MMS19: variants seen among roughly 807,000 people sequenced by gnomAD.
The protein encoded by MMS19 is MMS19 cytosolic iron-sulfur assembly component, also known as MMS19 nucleotide excision repair protein homolog.
Under a neutral mutation model 129.8 loss-of-function variants are expected in MMS19, and 77 were observed. The observed-to-expected ratio is 0.59, with a 90% CI of 0.49 to 0.72. MMS19 has a LOEUF of 0.72. Ranked by LOEUF, MMS19 falls within the 30% of genes least tolerant of loss-of-function variation. The pLI is 0.00. For synonymous variants in MMS19, 491 were observed against 502.8 expected, an observed-to-expected ratio of 0.98 and a Z score of 0.31; for missense variants, 1,168 against 1,266.3, an observed-to-expected ratio of 0.92 and a Z score of 1.18.
chr10:97,497,124 C>G (rs561544399), intron 1 of MMS19, among the ~76,000 whole-genome samples: 6 of 152,328 alleles, frequency 3.9e-5, no homozygotes, highest in Non-Finnish European at 7.3e-5. Context: ...CTCCTTGATG[C>G]TTCCAAACTA....
chr10:97,461,420 G>A (rs199766971), intron 23 of MMS19, 76 bp downstream of exon 23: 4 of 1,486,404 alleles, frequency 2.7e-6, no homozygotes, highest in African/African-American at 2.9e-5. Context: ...CTTTTAAAAA[G>A]AGAATGAGTA....
chr10:97,465,994 G>C, intron 17 of MMS19, 40 bp from the exon 18 acceptor site: 1 of 1,612,650 alleles, frequency 6.2e-7, no homozygotes, highest in East Asian at 2.2e-5. Context: ...CTGTGTGATA[G>C]GAAGCACGAA....
Position 97,466,064 on chromosome 10 carries a change from C to T in MMS19, c.1601G>A (p.Arg534His), listed in dbSNP as rs773362714. The part of the protein sequence containing the change: ...HLVPKLAEEL[R>H]VGESNLTNGD... Reference sequence around the variant, plus strand: ...AGAGGATTAGAGACACATACCTACACGCAGCTCCTCAGCGAGCTTGGGTAC... The same window carrying T: ...AGAGGATTAGAGACACATACCTACATGCAGCTCCTCAGCGAGCTTGGGTAC... The change falls in exon 17 of 31, where the codon CGT becomes CAT. Residue 534 changes from arginine (R) to histidine (H), a missense_variant. Around this residue, in one of 3 missense-constraint regions of MMS19, gnomAD observed 831 missense variants for 910.8 expected, o/e 0.91. Transcript: ENST00000438925. The T allele has an allele frequency of 1.9e-5, 30 of 1,613,732 alleles. No individual in the cohort carries two copies. Among genetic ancestry groups the T allele is most frequent in the East Asian group, 6.7e-5 (3 of 44,880 alleles).
rs371996112 is a variant in MMS19 at position 97,476,578 on chromosome 10, G to A, written c.684+105C>T. 2.0e-4 allele frequency: 179 copies of A among 875,044 alleles called. 2 individuals carry two copies. In the South Asian group the frequency reaches 2.3e-3, roughly 11 times the overall value. The allele number at this position is 875,044 out of a possible 1,614,324, so 54.2% of individuals were successfully genotyped here. ...TATTAAAATATAAAATAATGAGGGC[G>A]GGGATGTCTATTTTGGTGACCTGTA... On this transcript the variant is annotated intron_variant, in intron 8 of 30. Transcript: ENST00000438925.
At chr10:97,493,813 A>G (rs1856836) in intron 1 of MMS19, among the ~76,000 whole-genome samples, 143,753 of 152,248 alleles carry the variant, frequency 0.94, 68,051 homozygotes, top group Non-Finnish European at 0.98. Context: ...TCGGAAGTTT[A>G]GAGACTTGCC....
chr10:97,484,283 C>T (rs926298525), intron 1 of MMS19, 132 bp from the exon 2 acceptor site: 4 of 546,102 alleles, frequency 7.3e-6, no homozygotes, highest in Non-Finnish European at 1.3e-5. Flanking sequence ...TGCCAAGAGC[C>T]CTCCTAGATG....
At chr10:97,470,969 G>A (rs574702419) in intron 8 of MMS19, 108 bp from the exon 9 acceptor site, 1 of 695,416 alleles carries the variant, frequency 1.4e-6, no homozygotes, top group Admixed American at 3.1e-5. Flanking sequence ...TACCCAATCA[G>A]GGAAGATAGT....
Position 97,458,828 on chromosome 10 carries a change from T to G in MMS19, c.3037A>C (p.Lys1013Gln). Residue 1013 changes from lysine (K) to glutamine (Q), a missense_variant, in exon 30 of 31, where the codon AAG becomes CAG. Physicochemically the swap from Lys to Gln is moderately conservative, Grantham distance 53. This residue lies in a region of MMS19 where 831 missense variants were observed against 910.8 expected (regional missense o/e 0.91). Transcript: ENST00000438925. ...PLDDKKRLVRKEAVSARGEWF... is the reference protein window; with the variant it reads ...PLDDKKRLVRQEAVSARGEWF... ...TCCCCTCTGGCTGACACTGCTTCCT[T>G]GCGCACCAGTCTCTTCTTGTCATCC... 1 of 1,614,048 alleles carries G rather than the reference T, an allele frequency of 6.2e-7. No homozygotes were observed. Among genetic ancestry groups the G allele is most frequent in the Non-Finnish European group, 8.5e-7 (1 of 1,179,902 alleles).
intron 18 of MMS19, among the ~76,000 whole-genome samples, chr10:97,464,607 G>T (rs1381921648): frequency 1.3e-5 from 2 of 152,058 alleles, no homozygotes; most frequent in Admixed American, 1.3e-4. Flanking sequence ...CACCCATGCT[G>T]CTGGTTAACA....
intron 15 of MMS19, 45 bp downstream of exon 15, chr10:97,466,731 A>G: frequency 6.2e-7 from 1 of 1,613,798 alleles, no homozygotes; most frequent in Non-Finnish European, 8.5e-7. Context: ...CAGTCTTACA[A>G]GAAAAGGACC....
At chr10:97,469,405 G>A (rs2034214175) in intron 11 of MMS19, among the ~76,000 whole-genome samples, 1 of 152,170 alleles carries the variant, frequency 6.6e-6, no homozygotes, top group African/African-American at 2.4e-5. Context: ...TGCCACAGAA[G>A]GACAAGAAGT....
At position 97,459,273 on chromosome 10, in the gene MMS19, TC is replaced by T; in HGVS notation, c.2913del (p.Ile972SerfsTer25). ...NLSSSPSMAV[R>X]IAALQCMHAL... ...GCATGCATGCACTGCAGTGCGGCGATCCGGACAGCCTGGAACACAACCACAA... is the reference window on the plus strand; with the variant it reads ...GCATGCATGCACTGCAGTGCGGCGATCGGACAGCCTGGAACACAACCACAA... On this transcript the variant is annotated frameshift_variant, in exon 29 of 31. Transcript: ENST00000438925. LOFTEE classifies it high-confidence loss of function. 6.2e-7 allele frequency: 1 copy of T among 1,613,302 alleles called. No homozygotes were observed. The highest frequency in any genetic ancestry group is 8.5e-7 in the Non-Finnish European group (1 of 1,179,572).
rs565452188 is a variant in MMS19, at chr10:97,459,524, A to C, written c.2742T>G (p.Leu914=). Residue 914 remains leucine, a splice_region_variant and synonymous_variant, in exon 28 of 31, where the codon CTT becomes CTG. Coordinates refer to ENST00000438925, the MANE Select transcript of MMS19 (RefSeq NM_022362.5). The part of the protein sequence containing the change: ...KPVLLPELPT[L]LSLLLEALSC... ...ACAGGGCCTCCAGCAGCAAGGAAAG[A>C]AGCTAAGGGGCAATGGGCAAGGTAG... The C allele has an allele frequency of 1.2e-6, 2 of 1,612,262 alleles. No homozygotes were observed. The highest frequency in any genetic ancestry group is 1.7e-6 in the Non-Finnish European group (2 of 1,178,722).
At chr10:97,486,948 T>C (rs928296526) in intron 1 of MMS19, among the ~76,000 whole-genome samples, 3 of 142,128 alleles carry the variant, frequency 2.1e-5, no homozygotes, top group African/African-American at 2.6e-5. Context: ...AGGGAGAAGG[T>C]AGCCCTTCCA....
At chr10:97,459,314 GC>G in intron 28 of MMS19, 32 bp from the exon 29 acceptor site, 3 of 1,612,604 alleles carry the variant, frequency 1.9e-6, no homozygotes, top group Non-Finnish European at 2.5e-6. Flanking sequence ...GTGAGAGCAT[GC>G]CCAGGGAGAG....
chr10:97,496,568 A>G (rs2135600342), intron 1 of MMS19, among the ~76,000 whole-genome samples: 1 of 151,942 alleles, frequency 6.6e-6, no homozygotes, highest in Admixed American at 6.6e-5. Flanking sequence ...ATAAGTCCTT[A>G]TTCAAGATAA....
intron 29 of MMS19, 109 bp downstream of exon 29, chr10:97,459,114 G>A (rs769019538): frequency 8.9e-7 from 1 of 1,118,192 alleles, no homozygotes; most frequent in Non-Finnish European, 1.3e-6. Flanking sequence ...TTGTAATTCA[G>A]ATCTCAATTA....
rs201410465 is a variant in MMS19, at chr10:97,472,020, AGGACTAAT to A, written c.685-1167_685-1160del. 2.0e-5 allele frequency among the ~76,000 whole-genome samples: 3 copies of A among 152,252 alleles called. No individual in the cohort carries two copies. The East Asian group carries it at 5.8e-4, about 29-fold the overall frequency. ...ATTAAAGAATTCAAGAAAAATTTAC[AGGACTAAT>A]GGACACGGGTTACCAGATTGACAGG... On this transcript the variant is annotated intron_variant, in intron 8 of 30. Transcript: ENST00000438925.
At chr10:97,472,476 G>A (rs758073607) in intron 8 of MMS19, among the ~76,000 whole-genome samples, 34 of 152,182 alleles carry the variant, frequency 2.2e-4, no homozygotes, top group Non-Finnish European at 3.8e-4. Flanking sequence ...CTGACCTCAG[G>A]TGATCCGCCT....
Sources: gnomAD v4.1 joint callset for allele counts (sites outside exome capture counted in the v4.1 genomes callset) on GRCh38, gnomAD v4.1.1 for gene constraint, gnomAD v4.1.1 regional missense constraint, MANE v1.5 for transcripts, NCBI Gene and HGNC (gene_info 2026-07-23, HGNC 2026-07-21) for gene names.